CPLX2: variants seen among roughly 807,000 people sequenced by gnomAD.
The protein encoded by CPLX2 is complexin 2.
In CPLX2, 5 loss-of-function variants were observed where a neutral mutation model predicts 16.3. The observed-to-expected ratio is 0.31, with a 90% CI of 0.16 to 0.64. The LOEUF (loss-of-function observed/expected upper bound fraction) is 0.64. Ranked by LOEUF, CPLX2 falls within the 30% of genes least tolerant of loss-of-function variation. The pLI is 0.79. For synonymous variants in CPLX2, 89 were observed against 73.2 expected (o/e 1.22, Z -1.10); for missense variants, 144 against 181.4 (o/e 0.79, Z 1.18).
rs990318182 is a variant in CPLX2, at chr5:175,880,167, C to T, written c.*122C>T. 2.8e-6 allele frequency: 3 copies of T among 1,080,622 alleles called. No homozygotes were observed. Among genetic ancestry groups the T allele is most frequent in the African/African-American group, 3.1e-5 (2 of 63,874 alleles). The allele number at this position is 1,080,622 out of a possible 1,614,324, so 66.9% of individuals were successfully genotyped here. On this transcript the variant is annotated 3_prime_UTR_variant, in exon 4 of 4. Coordinates refer to ENST00000393745, the MANE Select transcript of CPLX2 (RefSeq NM_001008220.2). ...ACCTCAGTTGGCCTCTGCCCCTCTT[C>T]CCTGGCCAGGGGCTTCTCCCCCTCA...
chr5:175,834,675 C>T (rs978686551), intron 2 of CPLX2, among the ~76,000 whole-genome samples: 1 of 152,118 alleles, frequency 6.6e-6, no homozygotes, highest in Non-Finnish European at 1.5e-5. Flanking sequence ...GACATCAAGA[C>T]CATCCTGGCT....
chr5:175,877,519 T>C (rs1222034890), intron 1 of CPLX2, among the ~76,000 whole-genome samples: 1 of 152,188 alleles, frequency 6.6e-6, no homozygotes, highest in African/African-American at 2.4e-5. Context: ...CAAAAGGCCT[T>C]GGGGAGCAGG....
intron 2 of CPLX2, among the ~76,000 whole-genome samples, chr5:175,824,042 C>T (rs1758561722): frequency 6.6e-6 from 1 of 152,142 alleles, no homozygotes; most frequent in Admixed American, 6.5e-5. Flanking sequence ...TCCCCAACAC[C>T]CACAGGCCCC....
intron 1 of CPLX2, among the ~76,000 whole-genome samples, chr5:175,799,822 A>G (rs1392658556): frequency 6.6e-6 from 1 of 151,502 alleles, no homozygotes; most frequent in Non-Finnish European, 1.5e-5. Flanking sequence ...GGCATGAACC[A>G]TCCCACCCAG....
chr5:175,831,100 CTG>C lies in CPLX2; in HGVS notation c.-89+22048_-89+22049del, dbSNP rs59852410. On this transcript the variant is annotated intron_variant, in intron 2 of 4. Coordinates refer to the CPLX2 transcript ENST00000359546. ...CCAGTGTGCTGATGTCAGCTTGCCT[CTG>C]TGTGTGTGTGTGTGTCTCGGTACAT... Among the ~76,000 whole-genome samples, 7 of 150,576 alleles carry C rather than the reference CTG, an allele frequency of 4.6e-5. No individual in the cohort carries two copies. The East Asian group carries it at 9.8e-4, about 21-fold the overall frequency.
chr5:175,802,990 C>T (rs1179061400), intron 1 of CPLX2, among the ~76,000 whole-genome samples: 2 of 152,068 alleles, frequency 1.3e-5, no homozygotes, highest in African/African-American at 4.8e-5. Context: ...CGCCATCACA[C>T]CAGACTAATT....
chr5:175,842,264 C>T (rs1758957851), intron 2 of CPLX2, among the ~76,000 whole-genome samples: 1 of 152,226 alleles, frequency 6.6e-6, no homozygotes, highest in African/African-American at 2.4e-5. Flanking sequence ...CTCAATGACT[C>T]CCACTATTGA....
intron 2 of CPLX2, among the ~76,000 whole-genome samples, chr5:175,811,856 C>A (rs1301699053): frequency 6.6e-6 from 1 of 152,230 alleles, no homozygotes; most frequent in Non-Finnish European, 1.5e-5. Context: ...TCTTTAAAAT[C>A]TATTGGAACT....
rs1758271580 is a variant in CPLX2, at chr5:175,809,329, C to T, written c.-89+261C>T. On this transcript the variant is annotated intron_variant, in intron 2 of 4. Transcript: ENST00000359546. This position sits in a 1 kb window ranked among gnomAD's most constrained non-coding sequence, Gnocchi z 4.4. ...AAACCTGAGGTGGATATTATTATCC[C>T]CAGTTACAGATGAGAAAACTGAAGC... The T allele has an allele frequency of 6.6e-6, 1 of 152,186 alleles. No homozygotes were observed. Among genetic ancestry groups the T allele is most frequent in the African/African-American group, 2.4e-5 (1 of 41,448 alleles). 9.4% of individuals were successfully genotyped at this position (152,186 alleles called of 1,614,324 possible). A position where few individuals can be genotyped will look rare whatever the true frequency, so the allele number is the denominator to read the frequency against.
upstream of CPLX2, among the ~76,000 whole-genome samples, chr5:175,868,696 GTTTTT>G (rs559177106): frequency 6.9e-6 from 1 of 145,632 alleles, no homozygotes; most frequent in Non-Finnish European, 1.5e-5. Context: ...TTCGTGGCAG[GTTTTT>G]TTTTTTTTCT....
At chr5:175,801,382 A>G (rs753894828) in intron 1 of CPLX2, among the ~76,000 whole-genome samples, 13 of 152,174 alleles carry the variant, frequency 8.5e-5, no homozygotes, top group Admixed American at 2.0e-4. Flanking sequence ...AGAAGATTTA[A>G]GTCAGCCTGG....
rs1019382650 is a variant in CPLX2, at chr5:175,878,800, C to T, written c.31+30C>T. 12 of 1,611,908 alleles carry T rather than the reference C, an allele frequency of 7.4e-6. No homozygotes were observed. The East Asian group carries it at 2.0e-4, about 27-fold the overall frequency. On this transcript the variant is annotated intron_variant, in intron 2 of 3. Coordinates refer to ENST00000393745, the MANE Select transcript of CPLX2 (RefSeq NM_001008220.2). The stretch of plus-strand genomic sequence containing the variant: ...GGTCCAGCGCCCCTCCGCGTGTCCT[C>T]AGCCGGTCCCACCCTTGTGGGAGGT...
intron 2 of CPLX2, among the ~76,000 whole-genome samples, chr5:175,839,690 A>C (rs1313925040): frequency 6.6e-6 from 1 of 152,254 alleles, no homozygotes; most frequent in African/African-American, 2.4e-5. Flanking sequence ...AACCAAGATT[A>C]CATTAAACAT....
At chr5:175,869,716 C>T (rs145126373), upstream of CPLX2, among the ~76,000 whole-genome samples, 23 of 152,290 alleles carry the variant, frequency 1.5e-4, no homozygotes, top group East Asian at 4.4e-3. Flanking sequence ...TCAACCTGCC[C>T]TCATTTGACC....
chr5:175,799,534 A>T (rs1758047963), intron 1 of CPLX2, among the ~76,000 whole-genome samples: 1 of 117,694 alleles, frequency 8.5e-6, no homozygotes, highest in African/African-American at 3.4e-5. Context: ...TCCCTTTGCA[A>T]ATTTCATATA....
intron 2 of CPLX2, among the ~76,000 whole-genome samples, chr5:175,824,622 G>A (rs1397099960): frequency 6.6e-6 from 1 of 152,228 alleles, no homozygotes; most frequent in Non-Finnish European, 1.5e-5. Context: ...AAGTCAAGAG[G>A]AGGGCAGGAG....
At chr5:175,865,386 G>T (rs1759454204) in intron 2 of CPLX2, among the ~76,000 whole-genome samples, 1 of 152,150 alleles carries the variant, frequency 6.6e-6, no homozygotes, top group African/African-American at 2.4e-5. Flanking sequence ...GACTGCCTCT[G>T]CACCAAGATG....
chr5:175,865,922 T>C (rs767725046), intron 2 of CPLX2, among the ~76,000 whole-genome samples: 1 of 152,346 alleles, frequency 6.6e-6, no homozygotes, highest in East Asian at 1.9e-4. Context: ...CTTTGACATA[T>C]AGTGTTGTAG....
At chr5:175,843,674 T>C (rs374363834) in intron 2 of CPLX2, among the ~76,000 whole-genome samples, 109 of 152,106 alleles carry the variant, frequency 7.2e-4, no homozygotes, top group African/African-American at 2.6e-3. Context: ...AAAGGGTGAG[T>C]GAGGGAGCAG....
Sources: gnomAD v4.1 joint callset for allele counts (sites outside exome capture counted in the v4.1 genomes callset) on GRCh38, gnomAD v4.1.1 for gene constraint, Gnocchi (gnomAD v3.1) non-coding constraint, MANE v1.5 for transcripts, NCBI Gene and HGNC (gene_info 2026-07-23, HGNC 2026-07-21) for gene names.